NSUN3: variants seen among roughly 807,000 people sequenced by gnomAD.
NSUN3 encodes tRNA (cytosine(34)-C(5))-methyltransferase, mitochondrial.
In NSUN3, 24 loss-of-function variants were observed where a neutral mutation model predicts 36.8. That is an observed-to-expected ratio of 0.65 (90% confidence interval 0.47 to 0.92). The LOEUF is 0.92. NSUN3 is among the 40% of genes least tolerant of loss of function. The probability of loss-of-function intolerance (pLI) is 0.00; values close to 1 mark genes in which losing one functional copy is unlikely to be tolerated. For missense variants in NSUN3, 381 were observed against 392.8 expected, an observed-to-expected ratio of 0.97 and a Z score of 0.25; for synonymous variants, 146 against 145.2, an observed-to-expected ratio of 1.01 and a Z score of -0.04.
intron 2 of NSUN3, chr3:94,076,532 A>C (rs1490829045): frequency 5.0e-6 from 4 of 796,442 alleles, no homozygotes; most frequent in Non-Finnish European, 6.9e-6. Flanking sequence ...TGCATCCACC[A>C]CATTTCCCTC....
In NSUN3 at chr3:94,077,132, A is replaced by G. The variant is rs187171640; in HGVS notation, c.123-6975A>G. On this transcript the variant is annotated intron_variant, in intron 2 of 5. Coordinates refer to ENST00000314622, the MANE Select transcript of NSUN3 (RefSeq NM_022072.5). ...ATTTTGTACTCCTTATGGATCACTC[A>G]TTCTTCCACTGCGTCATCAAAGGCT... 129 of 750,642 alleles carry G rather than the reference A, an allele frequency of 1.7e-4. 1 individual carries two copies. In the African/African-American group the frequency reaches 2.0e-3, roughly 11 times the overall value. 46.5% of individuals were successfully genotyped at this position (750,642 alleles called of 1,614,324 possible).
chr3:94,070,770 C>CCA (rs1294448347), intron 2 of NSUN3, among the ~76,000 whole-genome samples: 2 of 152,158 alleles, frequency 1.3e-5, no homozygotes, highest in Non-Finnish European at 2.9e-5. Context: ...CCTCCATATG[C>CCA]CAGAAACTAT....
intron 3 of NSUN3, among the ~76,000 whole-genome samples, chr3:94,092,201 G>A (rs2077318094): frequency 3.3e-5 from 5 of 152,196 alleles, no homozygotes; most frequent in Admixed American, 2.6e-4. Flanking sequence ...AAAGCAGCCA[G>A]CAGATTGTTC....
chr3:94,073,914 A>G (rs1409985605), intron 2 of NSUN3, among the ~76,000 whole-genome samples: 4 of 152,168 alleles, frequency 2.6e-5, no homozygotes, highest in African/African-American at 9.7e-5. Flanking sequence ...GTTTTCTTCT[A>G]GGATTTTTAT....
chr3:94,115,272 A>T (rs930264829), intron 5 of NSUN3, among the ~76,000 whole-genome samples: 3 of 152,174 alleles, frequency 2.0e-5, no homozygotes, highest in Admixed American at 1.3e-4. Flanking sequence ...CTTATTTTAA[A>T]TTTTTTAAAT....
In NSUN3 at chr3:94,128,552, C is replaced by A. The variant is rs1479214431; in HGVS notation, c.*2062C>A. 1 of 118,462 alleles carries A rather than the reference C, an allele frequency of 8.4e-6. No homozygotes were observed. The allele number at this position is 118,462 out of a possible 1,614,324, so 7.3% of individuals were successfully genotyped here. A position where few individuals can be genotyped will look rare whatever the true frequency, so the allele number is the denominator to read the frequency against. On this transcript the variant is annotated 3_prime_UTR_variant, in exon 6 of 6. Transcript: ENST00000314622. ...TCCTATGATTACTGAAAAATGGATG[C>A]ACGTGTGTGTGTGTGTGTGTGTGTG...
In NSUN3 at chr3:94,080,611, G is replaced by A. The variant is rs191243647; in HGVS notation, c.123-3496G>A. Among the ~76,000 whole-genome samples the A allele has an allele frequency of 3.6e-3, 541 of 152,312 alleles. 2 individuals are homozygous for A. The highest frequency in any genetic ancestry group is 0.012 in the African/African-American group (517 of 41,586). ...TTTTTTCAGAGATGCCCTGCCCAGA[G>A]AGGAAAAATCTGACAGTCTGGCCAC... On this transcript the variant is annotated intron_variant, in intron 2 of 5. Coordinates refer to ENST00000314622, the MANE Select transcript of NSUN3 (RefSeq NM_022072.5).
intron 2 of NSUN3, among the ~76,000 whole-genome samples, chr3:94,078,343 G>C (rs2077254934): frequency 6.6e-6 from 1 of 152,008 alleles, no homozygotes; most frequent in Non-Finnish European, 1.5e-5. Context: ...ATTTGCTGAG[G>C]AGTTTACTTC....
At chr3:94,076,786 C>A in intron 2 of NSUN3, 1 of 1,559,686 alleles carries the variant, frequency 6.4e-7, no homozygotes, top group Non-Finnish European at 8.8e-7. Context: ...TATAACGGGC[C>A]CTGTTTACTT....
chr3:94,064,250 G>T (rs1482929362), intron 1 of NSUN3, 187 bp from the exon 2 acceptor site: 2 of 558,398 alleles, frequency 3.6e-6, no homozygotes, highest in South Asian at 2.3e-5. Flanking sequence ...TAATTATTTG[G>T]AAAAACCTTG....
chr3:94,079,746 G>A (rs913561909), intron 2 of NSUN3, among the ~76,000 whole-genome samples: 3 of 151,762 alleles, frequency 2.0e-5, no homozygotes, highest in Non-Finnish European at 2.9e-5. Flanking sequence ...TATGCTTCAC[G>A]AAGTTCTCGT....
chr3:94,105,130 AGAGGAT>A (rs1269868379), intron 5 of NSUN3, among the ~76,000 whole-genome samples: 1 of 152,238 alleles, frequency 6.6e-6, no homozygotes, highest in East Asian at 1.9e-4. Flanking sequence ...TGCGTGCAGC[AGAGGAT>A]GACCTGGCTA....
intron 5 of NSUN3, among the ~76,000 whole-genome samples, chr3:94,107,266 C>T (rs894493653): frequency 1.3e-5 from 2 of 151,906 alleles, no homozygotes; most frequent in African/African-American, 4.8e-5. Flanking sequence ...TCAAATTAGG[C>T]ATATATATGT....
chr3:94,077,138 C>T (rs2077249710), intron 2 of NSUN3: 1 of 743,602 alleles, frequency 1.3e-6, no homozygotes, highest in East Asian at 2.5e-5. Flanking sequence ...ACTCATTCTT[C>T]CACTGCGTCA....
intron 5 of NSUN3, among the ~76,000 whole-genome samples, chr3:94,101,451 T>C (rs1360859451): frequency 1.3e-5 from 2 of 152,142 alleles, no homozygotes; most frequent in Non-Finnish European, 2.9e-5. Flanking sequence ...GAAGGCACAA[T>C]GATGACAGGA....
At position 94,064,569 on chromosome 3, in the gene NSUN3, C is replaced by T. The variant is rs768423655; in HGVS notation, c.122+23C>T. The stretch of plus-strand genomic sequence containing the variant: ...AAGGTTAGTATAATTCATCTCGATG[C>T]TTTATGATGGAACAAAGTACAATAT... On this transcript the variant is annotated intron_variant, in intron 2 of 5. Coordinates refer to ENST00000314622, the MANE Select transcript of NSUN3 (RefSeq NM_022072.5). 5 of 1,373,878 alleles carry T rather than the reference C, an allele frequency of 3.6e-6. No homozygotes were observed. In the South Asian group the frequency reaches 5.8e-5, roughly 16 times the overall value. The allele number at this position is 1,373,878 out of a possible 1,614,324, so 85.1% of individuals were successfully genotyped here.
chr3:94,064,604 C>A, intron 2 of NSUN3, 58 bp downstream of exon 2: 3 of 1,072,922 alleles, frequency 2.8e-6, no homozygotes, highest in Non-Finnish European at 4.2e-6. Flanking sequence ...TGTAGTCCTC[C>A]TTTTTGTGGG....
intron 5 of NSUN3, among the ~76,000 whole-genome samples, chr3:94,120,878 T>C (rs1364874948): frequency 6.6e-6 from 1 of 152,210 alleles, no homozygotes; most frequent in Admixed American, 6.5e-5. Context: ...TATACCATTT[T>C]AATAATCTAA....
At chr3:94,113,843 TGAA>T (rs561635177) in intron 5 of NSUN3, among the ~76,000 whole-genome samples, 291 of 152,358 alleles carry the variant, frequency 1.9e-3, no homozygotes, top group African/African-American at 6.3e-3. Context: ...GGAATTTTAA[TGAA>T]GGACTAACTA....
Sources: gnomAD v4.1 joint callset for allele counts (sites outside exome capture counted in the v4.1 genomes callset) on GRCh38, gnomAD v4.1.1 for gene constraint, MANE v1.5 for transcripts, NCBI Gene and HGNC (gene_info 2026-07-23, HGNC 2026-07-21) for gene names.